LMLN: variants seen among roughly 807,000 people sequenced by gnomAD.
LMLN encodes the protein leishmanolysin like peptidase.
In LMLN, 70 loss-of-function variants were observed where a neutral mutation model predicts 92.3. The ratio of observed to expected loss-of-function variants is 0.76; its 90% CI spans 0.63 to 0.92. The LOEUF (loss-of-function observed/expected upper bound fraction) is 0.92. LMLN is among the 40% of genes least tolerant of loss of function. The pLI is 0.00. For missense variants in LMLN, 691 were observed against 814.6 expected (o/e 0.85, Z 1.85); for synonymous variants, 308 against 296.2 (o/e 1.04, Z -0.41).
intron 11 of LMLN, among the ~76,000 whole-genome samples, chr3:198,018,542 T>C (rs1722702285): frequency 1.3e-5 from 2 of 152,232 alleles, no homozygotes; most frequent in South Asian, 2.1e-4. Flanking sequence ...ATTTTACGTG[T>C]TTCATCTTAG....
At chr3:197,986,487 C>T (rs994658267) in intron 8 of LMLN, among the ~76,000 whole-genome samples, 19 of 151,990 alleles carry the variant, frequency 1.3e-4, no homozygotes, top group African/African-American at 4.1e-4. Context: ...CCAGTAAAAA[C>T]GAAGATAATA....
At chr3:197,965,882 T>G (rs913135952) in intron 1 of LMLN, among the ~76,000 whole-genome samples, 2 of 152,194 alleles carry the variant, frequency 1.3e-5, no homozygotes, top group African/African-American at 4.8e-5. Context: ...ACCACTGTGT[T>G]CTAGCCTAAT....
Position 198,019,439 on chromosome 3 carries a change from C to G in LMLN, c.1365+54C>G. 4 of 1,511,870 alleles carry G rather than the reference C, an allele frequency of 2.6e-6. No individual in the cohort carries two copies. The South Asian group carries it at 5.1e-5, about 19-fold the overall frequency. The allele number at this position is 1,511,870 out of a possible 1,614,324, so 93.7% of individuals were successfully genotyped here. A position where few individuals can be genotyped will look rare whatever the true frequency, so the allele number is the denominator to read the frequency against. ...GAATCAGCTTTTCAAAAGTAGTCTC[C>G]ATTTTAACTAAAAGAGTAAATTCTC... On this transcript the variant is annotated intron_variant, in intron 12 of 15. Coordinates refer to ENST00000330198, the Ensembl canonical transcript of LMLN. The surrounding 1 kb of genome is among the most constrained non-coding windows in gnomAD (Gnocchi z 5.5).
chr3:198,024,271 A>ACTGGC (rs1560154179), intron 13 of LMLN, among the ~76,000 whole-genome samples: 136 of 144,108 alleles, frequency 9.4e-4, no homozygotes, highest in African/African-American at 3.3e-3. Flanking sequence ...GCTGGAGTGC[A>ACTGGC]GTGGTACAAT....
At chr3:198,036,094 C>G in intron 15 of LMLN, 51 bp downstream of exon 16, 1 of 1,493,232 alleles carries the variant, frequency 6.7e-7, no homozygotes, top group Non-Finnish European at 9.3e-7. Flanking sequence ...AGGAGGTGAA[C>G]TTCTCTTATA....
chr3:198,011,458 C>A (rs1194297783), intron 11 of LMLN, among the ~76,000 whole-genome samples: 2 of 93,876 alleles, frequency 2.1e-5, no homozygotes, highest in Non-Finnish European at 4.4e-5. Context: ...TGAACTCATC[C>A]TTTTTTATGG....
chr3:198,027,833 G>A (rs1015301144), intron 14 of LMLN, among the ~76,000 whole-genome samples: 7 of 152,192 alleles, frequency 4.6e-5, no homozygotes, highest in Admixed American at 3.3e-4. Context: ...TGGCTTCCGC[G>A]TATCTGTCTG....
intron 14 of LMLN, among the ~76,000 whole-genome samples, chr3:198,032,200 C>T (rs952473636): frequency 6.6e-6 from 1 of 152,054 alleles, no homozygotes; most frequent in Admixed American, 6.6e-5. Flanking sequence ...CTATGGGGCT[C>T]CTTTCTTACA....
rs963998892 is a variant in LMLN, at chr3:198,037,707, G to T, written c.1868-860G>T. On this transcript the variant is annotated intron_variant, in intron 15 of 15. Coordinates refer to ENST00000330198, the Ensembl canonical transcript of LMLN. Reference sequence around the variant, plus strand: ...AAAAGGGCAACTCATCCTAAAATAAGGTCAGGTTGGCCTCATCTCCCTACT... The same window carrying T: ...AAAAGGGCAACTCATCCTAAAATAATGTCAGGTTGGCCTCATCTCCCTACT... 2.0e-5 allele frequency among the ~76,000 whole-genome samples: 3 copies of T among 152,154 alleles called. No individual in the cohort carries two copies. In the South Asian group the frequency reaches 6.2e-4, roughly 32 times the overall value.
rs572627732 is a variant in LMLN at position 197,976,191 on chromosome 3, T to C, written c.431+80T>C. 3.0e-4 allele frequency: 243 copies of C among 813,198 alleles called. 3 individuals are homozygous for C. The Middle Eastern group carries it at 7.1e-3, about 24-fold the overall frequency. 50.4% of individuals were successfully genotyped at this position (813,198 alleles called of 1,614,324 possible). A position where few individuals can be genotyped will look rare whatever the true frequency, so the allele number is the denominator to read the frequency against. On this transcript the variant is annotated intron_variant, in intron 4 of 15. Transcript: ENST00000330198. ...CTCGTTCTATGAACATGGCAAGGTA[T>C]GAAACTTATACTAGAATTTTATTAT...
At chr3:197,982,397 T>G (rs1721585630) in intron 6 of LMLN, among the ~76,000 whole-genome samples, 1 of 151,836 alleles carries the variant, frequency 6.6e-6, no homozygotes, top group Non-Finnish European at 1.5e-5. Flanking sequence ...GGCTAATTTT[T>G]GTATTTTTAG....
chr3:197,960,292 C>G, exon 1 of LMLN: 3 of 1,613,736 alleles, frequency 1.9e-6, no homozygotes, highest in Non-Finnish European at 2.5e-6. Flanking sequence ...GGCTCAGGCC[C>G]GGGCCGGAGC....
intron 14 of LMLN, among the ~76,000 whole-genome samples, chr3:198,028,024 G>C (rs575394408): frequency 6.6e-6 from 1 of 151,880 alleles, no homozygotes; most frequent in African/African-American, 2.4e-5. Flanking sequence ...AGCAATTTTA[G>C]GTTCACAACA....
exon 5 of LMLN, chr3:197,976,645 G>A (rs779407304): frequency 5.6e-6 from 9 of 1,601,162 alleles, no homozygotes; most frequent in Non-Finnish European, 7.7e-6. Flanking sequence ...GATCCTCACA[G>A]GTACTGCACC....
intron 14 of LMLN, among the ~76,000 whole-genome samples, chr3:198,027,551 G>A (rs1304807462): frequency 1.3e-5 from 2 of 151,680 alleles, no homozygotes; most frequent in South Asian, 2.1e-4. Flanking sequence ...TCTATTCTAC[G>A]TCCTCTCTCT....
chr3:197,997,967 C>G lies in LMLN; in HGVS notation c.1156-1299C>G, dbSNP rs1343039373. Among the ~76,000 whole-genome samples the G allele has an allele frequency of 2.0e-5, 3 of 152,216 alleles. No homozygotes were observed. In the East Asian group the frequency reaches 5.8e-4, roughly 29 times the overall value. On this transcript the variant is annotated intron_variant, in intron 10 of 15. Transcript: ENST00000330198. Reference sequence around the variant, plus strand: ...GGGTTTCAGGTGGTGTTTTTAGATTCAACTAAGCAGTCAAACTCACAGGAC... The same window carrying G: ...GGGTTTCAGGTGGTGTTTTTAGATTGAACTAAGCAGTCAAACTCACAGGAC...
At chr3:198,000,671 G>A (rs1181693671) in intron 11 of LMLN, among the ~76,000 whole-genome samples, 1 of 151,548 alleles carries the variant, frequency 6.6e-6, no homozygotes, top group Non-Finnish European at 1.5e-5. Flanking sequence ...CAGGTGGTCT[G>A]CCCACCTCGG....
exon 16 of LMLN, chr3:198,041,771 A>G (rs991840191): frequency 1.3e-5 from 2 of 152,246 alleles, no homozygotes; most frequent in African/African-American, 4.8e-5. Flanking sequence ...AAGCTGAATG[A>G]AGAATTTTAC....
rs371432211 is a variant in LMLN at position 198,005,721 on chromosome 3, A to C, written c.1232+6379A>C. Among the ~76,000 whole-genome samples, 3 of 149,694 alleles carry C rather than the reference A, an allele frequency of 2.0e-5. 1 individual carries two copies. The highest frequency in any genetic ancestry group is 7.4e-5 in the African/African-American group (3 of 40,544). ...GCAGTCTCAGCTCACTGCAACCTCTACCTACTAGGTTCAAGCAATTCTCAT... is the reference window on the plus strand; with the variant it reads ...GCAGTCTCAGCTCACTGCAACCTCTCCCTACTAGGTTCAAGCAATTCTCAT... On this transcript the variant is annotated intron_variant, in intron 11 of 15. Coordinates refer to ENST00000330198, the Ensembl canonical transcript of LMLN.
Sources: allele counts gnomAD v4.1 joint callset (sites outside exome capture counted in the v4.1 genomes callset), GRCh38; gene constraint gnomAD v4.1.1; non-coding constraint Gnocchi (gnomAD v3.1); transcripts MANE v1.5; gene names NCBI Gene and HGNC (gene_info 2026-07-23, HGNC 2026-07-21).